The following PIK3R4 variants were observed in gnomAD, a reference collection of about 807,000 sequenced individuals.
PIK3R4 encodes phosphoinositide-3-kinase regulatory subunit 4, also known as phosphoinositide 3-kinase regulatory subunit 4.
A neutral mutation model predicts 136.5 loss-of-function variants in PIK3R4; 46 were observed. That is an observed-to-expected ratio of 0.34 (90% confidence interval 0.27 to 0.43). PIK3R4 has a LOEUF of 0.43. PIK3R4 is among the 20% of genes least tolerant of loss of function. PIK3R4 has a pLI of 1.00. For missense variants in PIK3R4, 1,331 were observed against 1,649.5 expected (o/e 0.81, Z 3.35); for synonymous variants, 557 against 566.7 (o/e 0.98, Z 0.24).
intron 5 of PIK3R4, among the ~76,000 whole-genome samples, chr3:130,729,604 A>G (rs1008273682): frequency 1.3e-5 from 2 of 152,200 alleles, no homozygotes; most frequent in Non-Finnish European, 2.9e-5. Context: ...ACATCCTCCT[A>G]TAACTTCAAA....
intron 14 of PIK3R4, among the ~76,000 whole-genome samples, chr3:130,686,715 G>A (rs1468470303): frequency 6.6e-6 from 1 of 152,120 alleles, no homozygotes; most frequent in East Asian, 1.9e-4. Context: ...AGTAATTAGA[G>A]TACAGAACGT....
intron 3 of PIK3R4, 84 bp from the exon 4 acceptor site, chr3:130,734,214 AC>A (rs1355748493): frequency 2.3e-5 from 25 of 1,108,688 alleles, no homozygotes; most frequent in Non-Finnish European, 3.0e-5. Flanking sequence ...CAATTTACAT[AC>A]GATTTAAAGG....
chr3:130,732,219 T>C (rs1438290868), intron 4 of PIK3R4, among the ~76,000 whole-genome samples: 11 of 152,180 alleles, frequency 7.2e-5, no homozygotes. Flanking sequence ...CGCTCAAGGT[T>C]GTTGCAGCTA....
chr3:130,746,636 G>A lies in PIK3R4; in HGVS notation c.-365C>T, dbSNP rs2066856100. On this transcript the variant is annotated 5_prime_UTR_variant, in exon 1 of 20. In the 5' UTR this introduces an upstream ATG that the reference lacks. Transcript: ENST00000356763. Reference sequence around the variant, plus strand: ...CCCTAACCTGCCCTGGGGGACATGCGTTCCCGGGCCTCGTCTTCCTCTAGC... The same window carrying A: ...CCCTAACCTGCCCTGGGGGACATGCATTCCCGGGCCTCGTCTTCCTCTAGC... 1 of 152,244 alleles carries A rather than the reference G, an allele frequency of 6.6e-6. No homozygotes were observed. The highest frequency in any genetic ancestry group is 6.5e-5 in the Admixed American group (1 of 15,280). 9.4% of individuals were successfully genotyped at this position (152,244 alleles called of 1,614,324 possible). A position where few individuals can be genotyped will look rare whatever the true frequency, so the allele number is the denominator to read the frequency against.
rs1361109329 is a variant in PIK3R4, at chr3:130,716,571, A to G, written c.2156T>C (p.Val719Ala). 6.2e-7 allele frequency: 1 copy of G among 1,613,608 alleles called. No individual in the cohort carries two copies. Among genetic ancestry groups the G allele is most frequent in the Non-Finnish European group, 8.5e-7 (1 of 1,179,648 alleles). The change falls in exon 9 of 20, where the codon GTT becomes GCT. Residue 719 changes from valine to alanine, a missense_variant. Around this residue, in one of 2 missense-constraint regions of PIK3R4, gnomAD observed 1,180 missense variants for 1,407.0 expected, o/e 0.84. Coordinates refer to ENST00000356763, the MANE Select transcript of PIK3R4 (RefSeq NM_014602.3). ...QIERKLVLLS[V>A]LKEPVSRSIF... is the part of the protein sequence containing the mutation. ...AGAACGACTTACTGGTTCCTTTAAA[A>G]CACTGAGCAGAACAAGTTTTCTTTC... is the stretch of plus-strand genomic sequence containing the variant.
At chr3:130,689,634 T>G (rs537148474) in intron 14 of PIK3R4, among the ~76,000 whole-genome samples, 1 of 152,262 alleles carries the variant, frequency 6.6e-6, no homozygotes, top group East Asian at 1.9e-4. Flanking sequence ...AACTCCTCAT[T>G]TTGCTTTCTT....
At chr3:130,681,623 A>G (rs1254958363) in intron 16 of PIK3R4, 32 bp from the exon 17 acceptor site, 1 of 1,292,958 alleles carries the variant, frequency 7.7e-7, no homozygotes, top group Admixed American at 1.8e-5. Flanking sequence ...ATCTTGACTC[A>G]GACAAAAAGA....
rs1231437470 is a variant in PIK3R4 at position 130,681,599 on chromosome 3, AAAC to A, written c.3608-11_3608-9del. On this transcript the variant is annotated splice_polypyrimidine_tract_variant and intron_variant, in intron 16 of 19. Transcript: ENST00000356763. The stretch of plus-strand genomic sequence containing the variant: ...CGTTGTTGCCCTGAACAGCTAAAGG[AAAC>A]AAAGGCCAGAATCTTGACTCAGACA... 1.3e-6 allele frequency: 2 copies of A among 1,531,832 alleles called. No individual in the cohort carries two copies. The highest frequency in any genetic ancestry group is 3.4e-5 in the Admixed American group (2 of 59,030). The allele number at this position is 1,531,832 out of a possible 1,614,324, so 94.9% of individuals were successfully genotyped here.
At chr3:130,691,869 T>G (rs1274692029) in intron 13 of PIK3R4, among the ~76,000 whole-genome samples, 1 of 135,116 alleles carries the variant, frequency 7.4e-6, no homozygotes, top group Non-Finnish European at 1.6e-5. Context: ...TCTCTCTAGT[T>G]TTTTTTTTTT....
Position 130,733,893 on chromosome 3 carries a change from C to T in PIK3R4, c.1105G>A (p.Glu369Lys). The T allele has an allele frequency of 6.2e-7, 1 of 1,613,996 alleles. No homozygotes were observed. Among genetic ancestry groups the T allele is most frequent in the East Asian group, 2.2e-5 (1 of 44,890 alleles). ...GHDLPEKAEG[E>K]PKENGLVILV... is the part of the protein sequence containing the mutation. ...ATAACCAGCCCATTTTCCTTAGGCT[C>T]TCCTTCGGCTTTTTCTGGCAGATCA... is the stretch of plus-strand genomic sequence containing the variant. Residue 369 changes from glutamate to lysine, a missense_variant, in exon 4 of 20, where the codon GAG becomes AAG. By Grantham distance (56) the Glu-to-Lys change is moderately conservative. Transcript: ENST00000356763.
chr3:130,739,822 G>A (rs1178036333), intron 2 of PIK3R4, among the ~76,000 whole-genome samples: 1 of 152,156 alleles, frequency 6.6e-6, no homozygotes, highest in African/African-American at 2.4e-5. Flanking sequence ...TTACAGATGT[G>A]ACCCTGTGAA....
intron 3 of PIK3R4, 133 bp from the exon 4 acceptor site, chr3:130,734,263 C>T (rs991150626): frequency 8.8e-6 from 6 of 682,134 alleles, no homozygotes; most frequent in Non-Finnish European, 1.5e-5. Context: ...TTTGTGACTC[C>T]ATCATCCTAG....
At chr3:130,702,004 G>A (rs887565582) in intron 13 of PIK3R4, among the ~76,000 whole-genome samples, 1 of 151,986 alleles carries the variant, frequency 6.6e-6, no homozygotes, top group Admixed American at 6.6e-5. Context: ...AGCTGGGTGT[G>A]GTGGCATGCG....
Position 130,690,361 on chromosome 3 carries a change from G to A in PIK3R4, c.3263+129C>T, listed in dbSNP as rs191136222. Reference sequence around the variant, plus strand: ...TTATTTATTTATTTATTTATTTTATGGGCTTAAAAAAAGAAGTGCAATGTA... The same window carrying A: ...TTATTTATTTATTTATTTATTTTATAGGCTTAAAAAAAGAAGTGCAATGTA... On this transcript the variant is annotated intron_variant, in intron 14 of 19. Transcript: ENST00000356763. 4.3e-3 allele frequency: 1,827 copies of A among 422,050 alleles called. 10 individuals carry two copies. The highest frequency in any genetic ancestry group is 5.7e-3 in the Non-Finnish European group (1,370 of 239,566). 26.1% of individuals were successfully genotyped at this position (422,050 alleles called of 1,614,324 possible). A position where few individuals can be genotyped will look rare whatever the true frequency, so the allele number is the denominator to read the frequency against.
chr3:130,723,575 T>G lies in PIK3R4; in HGVS notation c.1820A>C (p.Tyr607Ser). The G allele has an allele frequency of 6.2e-7, 1 of 1,612,720 alleles. No homozygotes were observed. Among genetic ancestry groups the G allele is most frequent in the Non-Finnish European group, 8.5e-7 (1 of 1,179,656 alleles). The change falls in exon 7 of 20, where the codon TAT becomes TCT. Residue 607 changes from tyrosine (Y) to serine (S), a missense_variant. Around this residue, in one of 2 missense-constraint regions of PIK3R4, gnomAD observed 1,180 missense variants for 1,407.0 expected, o/e 0.84. Transcript: ENST00000356763. ...AATTGAGGAGCTTTGCCAGCCAACA[T>G]AGGCAGCAACACCTGGAAATGAAAA... ...FFDSIVGVAA[Y>S]VGWQSSSILK...
chr3:130,729,044 T>C (rs1559829369), intron 5 of PIK3R4, among the ~76,000 whole-genome samples: 1 of 152,186 alleles, frequency 6.6e-6, no homozygotes, highest in Admixed American at 6.5e-5. Flanking sequence ...AATAATGGAA[T>C]AGGATTAGGA....
At chr3:130,686,447 C>A in intron 14 of PIK3R4, 25 bp from the exon 15 acceptor site, 1 of 1,408,824 alleles carries the variant, frequency 7.1e-7, no homozygotes, top group Non-Finnish European at 1.0e-6. Context: ...AAAGCACAGA[C>A]GTTTCCAGTC....
In PIK3R4 at chr3:130,726,237, A is replaced by C. The variant is rs181133775; in HGVS notation, c.1807+2226T>G. On this transcript the variant is annotated intron_variant, in intron 6 of 19. Coordinates refer to ENST00000356763, the MANE Select transcript of PIK3R4 (RefSeq NM_014602.3). Reference sequence around the variant, plus strand: ...TATAAAGGAATAGTTTAGACCTATCAAATTATGATTTCAAATAAATTTTTA... The same window carrying C: ...TATAAAGGAATAGTTTAGACCTATCCAATTATGATTTCAAATAAATTTTTA... Among the ~76,000 whole-genome samples, 188 of 152,272 alleles carry C rather than the reference A, an allele frequency of 1.2e-3. 1 individual carries two copies. The highest frequency in any genetic ancestry group is 1.5e-3 in the Non-Finnish European group (101 of 67,982).
intron 7 of PIK3R4, among the ~76,000 whole-genome samples, chr3:130,721,186 A>T (rs2066698062): frequency 6.6e-6 from 1 of 151,532 alleles, no homozygotes; most frequent in South Asian, 2.1e-4. Flanking sequence ...ATACAAAAAA[A>T]ATTAGCCGGG....
Sources: gnomAD v4.1 joint callset for allele counts (sites outside exome capture counted in the v4.1 genomes callset) on GRCh38, gnomAD v4.1.1 for gene constraint, gnomAD v4.1.1 regional missense constraint, MANE v1.5 for transcripts, NCBI Gene and HGNC (gene_info 2026-07-23, HGNC 2026-07-21) for gene names.